Variants in MAML2 observed in about 807,000 individuals in gnomAD.
MAML2 encodes the protein mastermind-like protein 2.
A neutral mutation model predicts 96.1 loss-of-function variants in MAML2; 22 were observed. The ratio of observed to expected loss-of-function variants is 0.23; its 90% CI spans 0.16 to 0.33. The LOEUF (loss-of-function observed/expected upper bound fraction) is 0.33. MAML2 is among the 10% of genes least tolerant of loss of function. The pLI is 1.00. For synonymous variants in MAML2, 561 were observed against 521.3 expected, an observed-to-expected ratio of 1.08 and a Z score of -1.04; for missense variants, 1,367 against 1,392.4, an observed-to-expected ratio of 0.98 and a Z score of 0.29.
chr11:96,084,600 G>T (rs1473448468), intron 2 of MAML2, among the ~76,000 whole-genome samples: 6 of 152,108 alleles, frequency 3.9e-5, no homozygotes, highest in African/African-American at 1.4e-4. Context: ...ACCTTTCAAG[G>T]CCTGCGATGA....
At chr11:96,334,718 T>A (rs1863894535) in intron 1 of MAML2, among the ~76,000 whole-genome samples, 1 of 152,250 alleles carries the variant, frequency 6.6e-6, no homozygotes, top group Non-Finnish European at 1.5e-5. Flanking sequence ...AATTAATGAA[T>A]ATTTTCCCAA....
chr11:96,325,336 G>A (rs1201883974), intron 1 of MAML2, among the ~76,000 whole-genome samples: 1 of 152,044 alleles, frequency 6.6e-6, no homozygotes, highest in Admixed American at 6.6e-5. Context: ...TCTTAAACGA[G>A]GGTAGTAATA....
chr11:96,026,197 C>T (rs1858514165), intron 2 of MAML2, among the ~76,000 whole-genome samples: 1 of 152,220 alleles, frequency 6.6e-6, no homozygotes, highest in Non-Finnish European at 1.5e-5. Context: ...CTCCTCCTCT[C>T]CCATTAGACT....
At chr11:96,053,514 G>C (rs1859018338) in intron 2 of MAML2, among the ~76,000 whole-genome samples, 1 of 152,186 alleles carries the variant, frequency 6.6e-6, no homozygotes, top group African/African-American at 2.4e-5. Context: ...ATCCTGCCAA[G>C]AGGGGAGAGA....
At chr11:96,261,517 A>G (rs1365691409) in intron 1 of MAML2, among the ~76,000 whole-genome samples, 1 of 152,192 alleles carries the variant, frequency 6.6e-6, no homozygotes, top group Admixed American at 6.5e-5. Context: ...TGTTAAGTAT[A>G]TTTATGTTTA....
rs539210424 is a variant in MAML2 at position 96,276,704 on chromosome 11, C to T, written c.513+64679G>A. On this transcript the variant is annotated intron_variant, in intron 1 of 4. Coordinates refer to ENST00000524717, the MANE Select transcript of MAML2 (RefSeq NM_032427.4). The stretch of plus-strand genomic sequence containing the variant: ...TGTGCCTTTAAAACACCAATCAGGT[C>T]GAAGTGGCTTGCGAAAAGGCTACTA... 5.6e-4 allele frequency among the ~76,000 whole-genome samples: 84 copies of T among 150,264 alleles called. 2 individuals are homozygous for T. The South Asian group carries it at 9.0e-3, about 16-fold the overall frequency.
chr11:95,980,020 C>A, intron 4 of MAML2, 57 bp from the exon 5 acceptor site: 1 of 1,353,866 alleles, frequency 7.4e-7, no homozygotes, highest in South Asian at 1.4e-5. Context: ...TCCTCTGTAA[C>A]TGCACTTTTC....
At chr11:96,288,784 G>A (rs1049700041) in intron 1 of MAML2, among the ~76,000 whole-genome samples, 4 of 152,026 alleles carry the variant, frequency 2.6e-5, no homozygotes, top group African/African-American at 4.8e-5. Flanking sequence ...TCAGAAGCAC[G>A]GCGAAACTCA....
intron 1 of MAML2, among the ~76,000 whole-genome samples, chr11:96,131,653 C>T (rs576062934): frequency 3.9e-5 from 6 of 152,206 alleles, no homozygotes; most frequent in South Asian, 4.1e-4. Flanking sequence ...TGCTAAGGGA[C>T]GTGGAGTTTC....
At chr11:96,229,459 C>T (rs909909942) in intron 1 of MAML2, among the ~76,000 whole-genome samples, 2 of 150,776 alleles carry the variant, frequency 1.3e-5, no homozygotes, top group East Asian at 1.9e-4. Context: ...AATCTCCACT[C>T]TCTACCTACC....
chr11:96,185,990 A>G (rs1861570017), intron 1 of MAML2, among the ~76,000 whole-genome samples: 1 of 152,136 alleles, frequency 6.6e-6, no homozygotes, highest in African/African-American at 2.4e-5. Flanking sequence ...CCCCAGACCT[A>G]CTGGGTCAGA....
At chr11:96,329,957 C>T (rs1441611914) in intron 1 of MAML2, among the ~76,000 whole-genome samples, 2 of 152,172 alleles carry the variant, frequency 1.3e-5, no homozygotes, top group African/African-American at 4.8e-5. Flanking sequence ...AATTACATTG[C>T]CCATATATAT....
At chr11:96,083,742 A>G (rs1339277037) in intron 2 of MAML2, among the ~76,000 whole-genome samples, 1 of 152,206 alleles carries the variant, frequency 6.6e-6, no homozygotes, top group Non-Finnish European at 1.5e-5. Flanking sequence ...CCTGCAACAT[A>G]GTAGATGTGT....
intron 2 of MAML2, among the ~76,000 whole-genome samples, chr11:95,993,159 C>T (rs541216691): frequency 1.3e-5 from 2 of 151,138 alleles, no homozygotes; most frequent in Admixed American, 6.6e-5. Flanking sequence ...ATCCTAGATC[C>T]TTGGCCTCCC....
chr11:96,015,454 T>C (rs16922882), intron 2 of MAML2, among the ~76,000 whole-genome samples: 7,376 of 151,896 alleles, frequency 0.049, 493 homozygotes, highest in African/African-American at 0.15. Flanking sequence ...CTCCAGCTGG[T>C]TGACCATTAT....
intron 1 of MAML2, among the ~76,000 whole-genome samples, chr11:96,248,845 T>C (rs573231555): frequency 1.4e-4 from 22 of 152,338 alleles, no homozygotes; most frequent in African/African-American, 4.8e-4. Context: ...AAATGGCTCC[T>C]GTTAAGGTGG....
chr11:96,292,325 A>G (rs978676979), intron 1 of MAML2, among the ~76,000 whole-genome samples: 12 of 152,236 alleles, frequency 7.9e-5, no homozygotes, highest in African/African-American at 2.7e-4. Context: ...CTCCATAAAA[A>G]GAAGAGTTCT....
intron 1 of MAML2, among the ~76,000 whole-genome samples, chr11:96,148,952 AT>A (rs1445816581): frequency 1.3e-5 from 2 of 152,184 alleles, no homozygotes; most frequent in Admixed American, 6.5e-5. Flanking sequence ...TGATTTCTGA[AT>A]CCTGACCTCA....
chr11:96,071,708 G>A (rs1859347488), intron 2 of MAML2, among the ~76,000 whole-genome samples: 1 of 152,282 alleles, frequency 6.6e-6, no homozygotes, highest in Non-Finnish European at 1.5e-5. Flanking sequence ...ATATTTAGGT[G>A]CACTGGAATT....
Sources: gnomAD v4.1 joint callset for allele counts (sites outside exome capture counted in the v4.1 genomes callset) on GRCh38, gnomAD v4.1.1 for gene constraint, MANE v1.5 for transcripts, NCBI Gene and HGNC (gene_info 2026-07-23, HGNC 2026-07-21) for gene names.